Variants in KDM4C observed in about 807,000 individuals in gnomAD.
KDM4C encodes lysine-specific demethylase 4C.
KDM4C carries 81 observed loss-of-function variants against 129.3 expected under a neutral mutation model. The ratio of observed to expected loss-of-function variants is 0.63; its 90% CI spans 0.52 to 0.75. The LOEUF (loss-of-function observed/expected upper bound fraction) is 0.75. Ranked by LOEUF, KDM4C falls within the 30% of genes least tolerant of loss-of-function variation. KDM4C has a pLI of 0.00. For missense variants in KDM4C, 1,457 were observed against 1,304.0 expected, an observed-to-expected ratio of 1.12 and a Z score of -1.81; for synonymous variants, 573 against 456.1, an observed-to-expected ratio of 1.26 and a Z score of -3.26.
At chr9:6,951,402 G>C (rs1388091092) in intron 8 of KDM4C, among the ~76,000 whole-genome samples, 8 of 152,106 alleles carry the variant, frequency 5.3e-5, no homozygotes. Context: ...GTTTCTTCTA[G>C]TCATGATCTG....
At chr9:7,044,382 G>A (rs1465648099) in intron 15 of KDM4C, among the ~76,000 whole-genome samples, 1 of 151,876 alleles carries the variant, frequency 6.6e-6, no homozygotes, top group African/African-American at 2.4e-5. Context: ...GCCATATTAG[G>A]TACTGAGAAG....
intron 8 of KDM4C, among the ~76,000 whole-genome samples, chr9:6,934,365 A>T (rs560684109): frequency 7.1e-4 from 107 of 150,424 alleles, no homozygotes; most frequent in African/African-American, 2.6e-3. Flanking sequence ...CTGTAGTCCC[A>T]GCTACTTGGG....
At chr9:6,976,468 A>G (rs769310615) in intron 8 of KDM4C, among the ~76,000 whole-genome samples, 38 of 152,212 alleles carry the variant, frequency 2.5e-4, no homozygotes, top group Non-Finnish European at 3.4e-4. Context: ...GGCAATTTGT[A>G]TTAATAACAT....
At chr9:6,751,089 T>A (rs1818050226) in intron 1 of KDM4C, among the ~76,000 whole-genome samples, 1 of 152,228 alleles carries the variant, frequency 6.6e-6, no homozygotes, top group Admixed American at 6.5e-5. Flanking sequence ...ATGTATCTAA[T>A]GTCTAGCTTT....
intron 5 of KDM4C, among the ~76,000 whole-genome samples, chr9:6,861,176 C>G (rs764578629): frequency 3.3e-5 from 5 of 152,130 alleles, no homozygotes; most frequent in Non-Finnish European, 7.4e-5. Flanking sequence ...TTATATAGCT[C>G]TAATGGTCAG....
chr9:7,060,781 G>A (rs1831546900), intron 17 of KDM4C, among the ~76,000 whole-genome samples: 1 of 151,756 alleles, frequency 6.6e-6, no homozygotes, highest in Admixed American at 6.6e-5. Context: ...TGCCTGGCCA[G>A]GATTTTATTT....
intron 18 of KDM4C, among the ~76,000 whole-genome samples, chr9:7,110,728 A>G (rs995775769): frequency 1.3e-5 from 2 of 152,216 alleles, no homozygotes; most frequent in Non-Finnish European, 2.9e-5. Flanking sequence ...TTTTAAACCT[A>G]TTGAAGAAGG....
At chr9:6,837,280 A>G (rs1588610630) in intron 4 of KDM4C, among the ~76,000 whole-genome samples, 1 of 151,824 alleles carries the variant, frequency 6.6e-6, no homozygotes, top group African/African-American at 2.4e-5. Flanking sequence ...CTTATCCCAA[A>G]CTCCTGGACT....
intron 4 of KDM4C, among the ~76,000 whole-genome samples, chr9:6,815,909 C>G (rs1355398073): frequency 6.6e-6 from 1 of 152,146 alleles, no homozygotes; most frequent in Non-Finnish European, 1.5e-5. Context: ...GTCTGTCTTT[C>G]TGTCTTTGAT....
rs182255463 is a variant in KDM4C, at chr9:6,880,058, C to G, written c.676C>G (p.Gln226Glu). ...TGGAAAACGACTTGAAAGACTAGCT[C>G]AAGGTAAAACTTGCTTTTTAAATTT... Reference protein sequence around the residue: ...EHGKRLERLAQGFFPSSSQGC... With the variant: ...EHGKRLERLAEGFFPSSSQGC... The change falls in exon 6 of 22, where the codon CAA becomes GAA. Residue 226 changes from glutamine (Q) to glutamate (E), a missense_variant. By Grantham distance (29) the Gln-to-Glu change is conservative. Transcript: ENST00000381309. 1.9e-5 allele frequency: 30 copies of G among 1,593,690 alleles called. No individual in the cohort carries two copies. In the East Asian group the frequency reaches 6.3e-4, roughly 33 times the overall value.
intron 12 of KDM4C, among the ~76,000 whole-genome samples, chr9:7,004,905 C>CA (rs1397127645): frequency 6.6e-6 from 1 of 152,176 alleles, no homozygotes; most frequent in Non-Finnish European, 1.5e-5. Flanking sequence ...GACCCTGACC[C>CA]AATGACTGAT....
intron 21 of KDM4C, among the ~76,000 whole-genome samples, chr9:7,173,402 C>G (rs900611696): frequency 6.6e-6 from 1 of 152,264 alleles, no homozygotes; most frequent in African/African-American, 2.4e-5. Context: ...GTAGGTCTAG[C>G]CTGGGGAGTG....
intron 1 of KDM4C, among the ~76,000 whole-genome samples, chr9:6,738,857 T>A (rs1817604859): frequency 6.6e-6 from 1 of 151,282 alleles, no homozygotes; most frequent in Non-Finnish European, 1.5e-5. Flanking sequence ...AGTGCTGGGA[T>A]TACAGGCATG....
intron 17 of KDM4C, among the ~76,000 whole-genome samples, chr9:7,088,123 A>G (rs143122287): frequency 1.3e-5 from 2 of 152,136 alleles, no homozygotes; most frequent in South Asian, 2.1e-4. Context: ...TTTTGGTGCA[A>G]CCAATCCTGA....
chr9:6,895,725 T>A (rs899322513), intron 8 of KDM4C, among the ~76,000 whole-genome samples: 1 of 152,106 alleles, frequency 6.6e-6, no homozygotes, highest in Admixed American at 6.6e-5. Flanking sequence ...CAGAGTGAGA[T>A]CTTGTCTCTA....
intron 5 of KDM4C, among the ~76,000 whole-genome samples, 159 bp downstream of exon 5, chr9:6,849,859 T>C (rs1334635221): frequency 6.6e-6 from 1 of 152,218 alleles, no homozygotes; most frequent in African/African-American, 2.4e-5. Flanking sequence ...CTATTCTGTC[T>C]GGGATTGTGC....
chr9:7,100,592 A>G (rs1376645855), intron 17 of KDM4C, among the ~76,000 whole-genome samples: 1 of 152,128 alleles, frequency 6.6e-6, no homozygotes, highest in East Asian at 1.9e-4. Context: ...CACCTGCCTC[A>G]GCCTCCCAAA....
intron 17 of KDM4C, among the ~76,000 whole-genome samples, chr9:7,051,999 A>G (rs145210409): frequency 8.1e-4 from 124 of 152,308 alleles, no homozygotes; most frequent in Non-Finnish European, 1.5e-3. Flanking sequence ...AATCACCCTC[A>G]TTTAAGAATC....
intron 12 of KDM4C, among the ~76,000 whole-genome samples, chr9:7,005,791 TC>T (rs1488859581): frequency 6.6e-6 from 1 of 152,180 alleles, no homozygotes; most frequent in African/African-American, 2.4e-5. Context: ...ATTTAACTAA[TC>T]TTGTACTCAT....
Sources: allele counts gnomAD v4.1 joint callset (sites outside exome capture counted in the v4.1 genomes callset), GRCh38; gene constraint gnomAD v4.1.1; transcripts MANE v1.5; gene names NCBI Gene and HGNC (gene_info 2026-07-23, HGNC 2026-07-21).